MARCHF1: variants seen among roughly 807,000 people sequenced by gnomAD.
The protein encoded by MARCHF1 is membrane associated ring-CH-type finger 1, also known as E3 ubiquitin-protein ligase MARCHF1.
In MARCHF1, 40 loss-of-function variants were observed where a neutral mutation model predicts 54.2. That is an observed-to-expected ratio of 0.74 (90% confidence interval 0.57 to 0.96). The LOEUF (loss-of-function observed/expected upper bound fraction) is 0.96. Ranked by LOEUF, MARCHF1 falls within the 40% of genes least tolerant of loss-of-function variation. The pLI is 0.00. For missense variants in MARCHF1, 586 were observed against 656.5 expected (o/e 0.89, Z 1.17); for synonymous variants, 236 against 236.3 (o/e 1.00, Z 0.01).
At chr4:164,251,221 C>T (rs188117908) in intron 1 of MARCHF1, among the ~76,000 whole-genome samples, 74 of 152,224 alleles carry the variant, frequency 4.9e-4, no homozygotes, top group African/African-American at 1.8e-3. Context: ...CTTTCCTTAA[C>T]ATGGCATTAA....
intron 4 of MARCHF1, among the ~76,000 whole-genome samples, chr4:163,847,570 TTTTTTTTTTTTTTTTTTTTTTTTTTTTTG>T (rs1305099270): frequency 0.012 from 20 of 1,606 alleles, no homozygotes; most frequent in Non-Finnish European, 0.027. Flanking sequence ...TTTTTTTTTT[TTTTTTTTTTTTTTTTTTTTTTTTTTTTTG>T]AGATGGAGTC....
chr4:163,820,564 C>T (rs1297858946), intron 4 of MARCHF1, among the ~76,000 whole-genome samples: 2 of 152,078 alleles, frequency 1.3e-5, no homozygotes, highest in African/African-American at 4.8e-5. Flanking sequence ...TTACATCTTA[C>T]TTTGGATATT....
rs1750751657 is a variant in MARCHF1 at position 163,894,732 on chromosome 4, CATATATATATGCATGTGATGCAT to C, written c.-38-40586_-38-40564del. On this transcript the variant is annotated intron_variant, in intron 3 of 9. Transcript: ENST00000514618. ...GATGCATATATATATGCATGTGATGCATATATATATGCATGTGATGCATATATATACATGCATGTGATGCATAT... is the reference window on the plus strand; with the variant it reads ...GATGCATATATATATGCATGTGATGCATATATACATGCATGTGATGCATAT... Among the ~76,000 whole-genome samples, 4 of 25,416 alleles carry C rather than the reference CATATATATATGCATGTGATGCAT, an allele frequency of 1.6e-4. 1 individual carries two copies. The highest frequency in any genetic ancestry group is 5.4e-4 in the African/African-American group (4 of 7,422). 16.7% of individuals were successfully genotyped at this position (25,416 alleles called of 152,430 possible). A position where few individuals can be genotyped will look rare whatever the true frequency, so the allele number is the denominator to read the frequency against.
rs999537913 is a variant in MARCHF1, at chr4:164,243,235, C to T, written c.-322-131573G>A. ...GCTAAGGGCAGCCAGAGAGAAAGGT[C>T]GGGTTACCCTCAAAGGGAAGCCCAT... On this transcript the variant is annotated intron_variant, in intron 1 of 9. Transcript: ENST00000514618. Among the ~76,000 whole-genome samples the T allele has an allele frequency of 4.9e-5, 7 of 143,218 alleles. No homozygotes were observed. The East Asian group carries it at 6.1e-4, about 12-fold the overall frequency. 94.0% of individuals were successfully genotyped at this position (143,218 alleles called of 152,430 possible). A position where few individuals can be genotyped will look rare whatever the true frequency, so the allele number is the denominator to read the frequency against.
At chr4:163,726,222 T>G (rs980858143) in intron 4 of MARCHF1, among the ~76,000 whole-genome samples, 2 of 152,190 alleles carry the variant, frequency 1.3e-5, no homozygotes, top group Admixed American at 6.5e-5. Flanking sequence ...CATCATAGTA[T>G]TATATGTTAA....
chr4:164,090,616 A>G (rs1755278306), intron 2 of MARCHF1, among the ~76,000 whole-genome samples: 1 of 152,236 alleles, frequency 6.6e-6, no homozygotes, highest in East Asian at 1.9e-4. Context: ...TCATAACAGA[A>G]AAAACACATT....
At chr4:164,362,113 G>T (rs1043942434) in intron 1 of MARCHF1, among the ~76,000 whole-genome samples, 6 of 151,992 alleles carry the variant, frequency 3.9e-5, no homozygotes, top group Non-Finnish European at 8.8e-5. Context: ...AGTATGACTG[G>T]GGTATGGAGG....
chr4:163,929,940 T>TA (rs1751621507), intron 3 of MARCHF1, among the ~76,000 whole-genome samples: 1 of 18,684 alleles, frequency 5.4e-5, no homozygotes, highest in African/African-American at 1.1e-4. Context: ...ATATTATATA[T>TA]TTATATTATA....
chr4:164,320,296 A>C (rs1735107670), intron 1 of MARCHF1, among the ~76,000 whole-genome samples: 1 of 152,214 alleles, frequency 6.6e-6, no homozygotes, highest in Non-Finnish European at 1.5e-5. Flanking sequence ...ATCCTCTGCC[A>C]GGTGATGGTT....
intron 7 of MARCHF1, among the ~76,000 whole-genome samples, chr4:163,592,583 T>TTC (rs1740626966): frequency 6.6e-6 from 1 of 152,072 alleles, no homozygotes; most frequent in Non-Finnish European, 1.5e-5. Context: ...AATGATCACC[T>TTC]TGCTTGGTCA....
chr4:163,739,379 A>G (rs1049669176), intron 4 of MARCHF1, among the ~76,000 whole-genome samples: 4 of 152,224 alleles, frequency 2.6e-5, no homozygotes, highest in Admixed American at 6.5e-5. Flanking sequence ...TTATTCACAA[A>G]TTATGAAGGC....
intron 4 of MARCHF1, among the ~76,000 whole-genome samples, chr4:163,733,213 A>G (rs1561046989): frequency 8.3e-5 from 3 of 36,154 alleles, no homozygotes; most frequent in East Asian, 8.1e-4. Context: ...ATATATATAT[A>G]TATATATACA....
intron 1 of MARCHF1, among the ~76,000 whole-genome samples, chr4:164,320,427 G>A (rs1385302195): frequency 1.3e-5 from 2 of 152,232 alleles, no homozygotes; most frequent in African/African-American, 2.4e-5. Flanking sequence ...GAAATCGTGG[G>A]CAAGGCGACT....
At chr4:163,762,291 A>G (rs1175703066) in intron 4 of MARCHF1, among the ~76,000 whole-genome samples, 1 of 152,154 alleles carries the variant, frequency 6.6e-6, no homozygotes, top group African/African-American at 2.4e-5. Flanking sequence ...ACCAACTTTC[A>G]TTATATTTGG....
chr4:164,143,789 A>G lies in MARCHF1; in HGVS notation c.-322-32127T>C, dbSNP rs553310677. On this transcript the variant is annotated intron_variant, in intron 1 of 9. Transcript: ENST00000514618. ...CTAATGAGCAAAATAACCAGCTAAC[A>G]TCATAATGACAGGATCAAATTCACA... Among the ~76,000 whole-genome samples the G allele has an allele frequency of 2.2e-4, 34 of 152,326 alleles. No homozygotes were observed. The East Asian group carries it at 6.4e-3, about 29-fold the overall frequency.
intron 2 of MARCHF1, among the ~76,000 whole-genome samples, chr4:164,010,700 T>C (rs1753402385): frequency 6.6e-6 from 1 of 152,182 alleles, no homozygotes; most frequent in Non-Finnish European, 1.5e-5. Context: ...CCCAAAGCAA[T>C]CTACAGATTA....
chr4:163,627,946 A>G (rs1215850886), intron 5 of MARCHF1, among the ~76,000 whole-genome samples: 1 of 152,174 alleles, frequency 6.6e-6, no homozygotes, highest in African/African-American at 2.4e-5. Flanking sequence ...AATGATTCAT[A>G]GAACTAAACA....
intron 5 of MARCHF1, among the ~76,000 whole-genome samples, chr4:163,635,951 G>C (rs1481424406): frequency 6.6e-6 from 1 of 151,986 alleles, no homozygotes; most frequent in East Asian, 1.9e-4. Flanking sequence ...TATGCAAATC[G>C]ATAAATGTAA....
Position 164,327,481 on chromosome 4 carries a change from T to G in MARCHF1, c.-323+56389A>C, listed in dbSNP as rs548755809. Among the ~76,000 whole-genome samples, 45 of 152,264 alleles carry G rather than the reference T, an allele frequency of 3.0e-4. 1 individual carries two copies. Among genetic ancestry groups the G allele is most frequent in the Non-Finnish European group, 1.5e-5 (1 of 68,026 alleles). On this transcript the variant is annotated intron_variant, in intron 1 of 9. Coordinates refer to ENST00000514618, the MANE Select transcript of MARCHF1 (RefSeq NM_001394959.1). ...AGGGAGAGGAATGTGGTGAGGTGGT[T>G]GTTGTCAGGTCAGTGAAATGACACA...
Sources: gnomAD v4.1 joint callset for allele counts (sites outside exome capture counted in the v4.1 genomes callset) on GRCh38, gnomAD v4.1.1 for gene constraint, MANE v1.5 for transcripts, NCBI Gene and HGNC (gene_info 2026-07-23, HGNC 2026-07-21) for gene names.